ZFHX3: variants seen among roughly 807,000 people sequenced by gnomAD.
The protein encoded by ZFHX3 is zinc finger homeobox 3.
Under a neutral mutation model 279.1 loss-of-function variants are expected in ZFHX3, and 42 were observed. The observed-to-expected ratio is 0.15, with a 90% CI of 0.12 to 0.19. ZFHX3 has a LOEUF of 0.19. Among genes scored for constraint, ZFHX3 ranks in the 10% least tolerant of loss-of-function variants. The probability of loss-of-function intolerance (pLI) is 1.00; values close to 1 mark genes in which losing one functional copy is unlikely to be tolerated. For missense variants in ZFHX3, 4,981 were observed against 4,754.0 expected, an observed-to-expected ratio of 1.05 and a Z score of -1.40; for synonymous variants, 2,293 against 1,957.8, an observed-to-expected ratio of 1.17 and a Z score of -4.52.
chr16:72,874,369 G>A (rs941316285), intron 4 of ZFHX3, among the ~76,000 whole-genome samples: 2 of 151,912 alleles, frequency 1.3e-5, no homozygotes, highest in East Asian at 1.9e-4. Context: ...ACCACACCAG[G>A]CTAATTTTTT....
chr16:73,338,836 G>C (rs973543834), intron 3 of ZFHX3, among the ~76,000 whole-genome samples: 2 of 152,204 alleles, frequency 1.3e-5, no homozygotes, highest in African/African-American at 4.8e-5. Context: ...GATTTCTCAT[G>C]AATGGTTTAG....
intron 5 of ZFHX3, among the ~76,000 whole-genome samples, chr16:73,216,452 A>G (rs2012211363): frequency 6.6e-6 from 1 of 152,226 alleles, no homozygotes; most frequent in Admixed American, 6.5e-5. Context: ...GTCAAACTGG[A>G]TATCGCTAGT....
Position 73,044,604 on chromosome 16 carries a change from T to TTGTG in ZFHX3, c.-50+3147_-50+3148insCACA, listed in dbSNP as rs575975744. ...TGAGTTACTCTTAAAAGGTGAGTGT[T>TTGTG]TGTTTGTTTGTTTGTTTGTTTGCTT... On this transcript the variant is annotated intron_variant, in intron 1 of 9. Transcript: ENST00000268489. 1.4e-4 allele frequency among the ~76,000 whole-genome samples: 5 copies of TTGTG among 36,192 alleles called. No individual in the cohort carries two copies. The African/African-American group carries it at 1.4e-3, about 10-fold the overall frequency. 23.7% of individuals were successfully genotyped at this position (36,192 alleles called of 152,430 possible).
chr16:72,917,414 T>C (rs2039469337), intron 3 of ZFHX3, among the ~76,000 whole-genome samples: 1 of 152,212 alleles, frequency 6.6e-6, no homozygotes, highest in South Asian at 2.1e-4. Context: ...ACACCTTTGA[T>C]AGAGAAAGAG....
intron 7 of ZFHX3, among the ~76,000 whole-genome samples, chr16:73,100,389 A>C (rs1966215983): frequency 6.6e-6 from 1 of 152,170 alleles, no homozygotes; most frequent in Non-Finnish European, 1.5e-5. Flanking sequence ...ACCAACGGGC[A>C]TGCCTTTTTC....
At chr16:73,891,679 A>G (rs976564042) in exon 1 of ZFHX3, 1 of 151,900 alleles carries the variant, frequency 6.6e-6, no homozygotes, top group African/African-American at 2.4e-5. Context: ...TGTTGCTCTT[A>G]AAAGGAATTC....
chr16:73,133,237 C>T (rs1021491904), intron 6 of ZFHX3, among the ~76,000 whole-genome samples: 4 of 152,058 alleles, frequency 2.6e-5, no homozygotes, highest in South Asian at 2.1e-4. Context: ...AGAGGTAATT[C>T]GGGGCTGGGC....
intron 5 of ZFHX3, among the ~76,000 whole-genome samples, chr16:73,204,310 TA>T (rs2011717145): frequency 6.6e-6 from 1 of 151,346 alleles, no homozygotes; most frequent in African/African-American, 2.4e-5. Flanking sequence ...TTATAATATA[TA>T]ATGAAATAAT....
Position 73,168,279 on chromosome 16 carries a change from C to CTTTCTTTCTTTCTTTCTTTCTTTT in ZFHX3, c.-1103-24449_-1103-24448insAAAAGAAAGAAAGAAAGAAAGAAA, listed in dbSNP as rs1555502322. On this transcript the variant is annotated intron_variant, in intron 5 of 17. Transcript: ENST00000641206. ...TCTTTCTTTCTTTCTTTCTTTCTTT[C>CTTTCTTTCTTTCTTTCTTTCTTTT]GAGACAAAGTCTCACTCTGTCATCC... 3.8e-4 allele frequency among the ~76,000 whole-genome samples: 55 copies of CTTTCTTTCTTTCTTTCTTTCTTTT among 143,742 alleles called. 1 individual carries two copies. The highest frequency in any genetic ancestry group is 1.4e-3 in the African/African-American group (53 of 38,068). 94.3% of individuals were successfully genotyped at this position (143,742 alleles called of 152,430 possible).
chr16:73,089,186 C>A (rs189480850), intron 8 of ZFHX3, among the ~76,000 whole-genome samples: 3 of 152,196 alleles, frequency 2.0e-5, no homozygotes, highest in Admixed American at 2.0e-4. Context: ...TCACTGCAAC[C>A]TCCGCCTCCC....
At position 72,795,141 on chromosome 16, in the gene ZFHX3, G is replaced by A. The variant is rs1490260373; in HGVS notation, c.7541C>T (p.Thr2514Ile). 6.2e-6 allele frequency: 10 copies of A among 1,613,712 alleles called. No homozygotes were observed. The highest frequency in any genetic ancestry group is 5.5e-5 in the South Asian group (5 of 91,006). ...LSHLPLKPLH[T>I]STPQQLANLP... ...GTTTGCGAGCTGTTGAGGAGTTGATGTGTGGAGGGGCTTGAGGGGCAGGTG... is the reference window on the plus strand; with the variant it reads ...GTTTGCGAGCTGTTGAGGAGTTGATATGTGGAGGGGCTTGAGGGGCAGGTG... The change falls in exon 9 of 10, where the codon ACA becomes ATA. Residue 2514 changes from threonine to isoleucine, a missense_variant. Thr to Ile is a moderately conservative substitution (Grantham distance 89). This residue lies in a region of ZFHX3 where 744 missense variants were observed against 701.3 expected (regional missense o/e 1.06). Coordinates refer to ENST00000268489, the MANE Select transcript of ZFHX3 (RefSeq NM_006885.4).
chr16:73,629,892 G>A (rs887670277), intron 2 of ZFHX3, among the ~76,000 whole-genome samples: 5 of 152,130 alleles, frequency 3.3e-5, no homozygotes, highest in Admixed American at 1.3e-4. Flanking sequence ...TCTTTCAACC[G>A]CACAAGAAAG....
At chr16:72,969,992 G>A (rs1163564234) in intron 1 of ZFHX3, among the ~76,000 whole-genome samples, 2 of 152,166 alleles carry the variant, frequency 1.3e-5, no homozygotes, top group Non-Finnish European at 2.9e-5. Context: ...CAGGCCGTGG[G>A]CCTCCATGTT....
intron 3 of ZFHX3, among the ~76,000 whole-genome samples, chr16:73,453,785 C>T (rs1242285244): frequency 1.3e-5 from 2 of 152,210 alleles, no homozygotes; most frequent in Non-Finnish European, 2.9e-5. Context: ...AAAAGCATGT[C>T]TTACATGGCG....
intron 2 of ZFHX3, among the ~76,000 whole-genome samples, chr16:73,475,808 A>G (rs1034543575): frequency 1.3e-5 from 2 of 151,992 alleles, no homozygotes; most frequent in Non-Finnish European, 2.9e-5. Flanking sequence ...TAGCCCAAAT[A>G]TTTTCTCATA....
chr16:73,527,290 A>G (rs1358682134), intron 2 of ZFHX3, among the ~76,000 whole-genome samples: 2 of 152,222 alleles, frequency 1.3e-5, no homozygotes, highest in Non-Finnish European at 2.9e-5. Context: ...AGAACTTCCC[A>G]GCAAGAGGCC....
intron 5 of ZFHX3, among the ~76,000 whole-genome samples, chr16:73,205,778 G>A (rs2011774559): frequency 6.6e-6 from 1 of 152,100 alleles, no homozygotes; most frequent in Admixed American, 6.5e-5. Flanking sequence ...GAGATCATTT[G>A]GTGGAAATTA....
intron 4 of ZFHX3, among the ~76,000 whole-genome samples, chr16:72,881,157 C>G (rs2038458174): frequency 6.6e-6 from 1 of 152,196 alleles, no homozygotes; most frequent in Admixed American, 6.5e-5. Flanking sequence ...CTGAACTGCT[C>G]TAGAAATCTG....
At chr16:73,087,237 G>A (rs1966020406) in intron 8 of ZFHX3, among the ~76,000 whole-genome samples, 1 of 152,172 alleles carries the variant, frequency 6.6e-6, no homozygotes, top group Non-Finnish European at 1.5e-5. Context: ...AAAGGGTCAT[G>A]TAACTAACTA....
Sources: allele counts gnomAD v4.1 joint callset (sites outside exome capture counted in the v4.1 genomes callset), GRCh38; gene constraint gnomAD v4.1.1; regional missense constraint gnomAD v4.1.1; transcripts MANE v1.5; gene names NCBI Gene and HGNC (gene_info 2026-07-23, HGNC 2026-07-21).